The following RALGAPA1 variants were observed in gnomAD, a reference collection of about 807,000 sequenced individuals.
RALGAPA1 encodes the protein ral GTPase-activating protein subunit alpha-1.
Under a neutral mutation model 269.6 loss-of-function variants are expected in RALGAPA1, and 52 were observed. That is an observed-to-expected ratio of 0.19 (90% CI 0.15 to 0.24). RALGAPA1 has a LOEUF of 0.24. Ranked by LOEUF, RALGAPA1 falls within the 10% of genes least tolerant of loss-of-function variation. The pLI is 1.00. For missense variants in RALGAPA1, 1,917 were observed against 3,013.9 expected, an observed-to-expected ratio of 0.64 and a Z score of 8.52; for synonymous variants, 817 against 1,008.3, an observed-to-expected ratio of 0.81 and a Z score of 3.60.
Position 35,558,316 on chromosome 14 carries a change from G to A in RALGAPA1, c.7497-9082C>T, listed in dbSNP as rs140458910. On this transcript the variant is annotated intron_variant, in intron 39 of 41. Coordinates refer to ENST00000680220, the MANE Select transcript of RALGAPA1 (RefSeq NM_001346249.2). ...TAATTTACATTTCTATACTAATATC[G>A]TTTATATGTATTCAGATGGTATTTG... Among the ~76,000 whole-genome samples the A allele has an allele frequency of 4.9e-3, 745 of 152,140 alleles. 8 individuals carry two copies. The highest frequency in any genetic ancestry group is 0.016 in the African/African-American group (681 of 41,498).
At chr14:35,797,772 G>T (rs971176616) in intron 1 of RALGAPA1, among the ~76,000 whole-genome samples, 1 of 150,190 alleles carries the variant, frequency 6.7e-6, no homozygotes, top group South Asian at 2.1e-4. Flanking sequence ...TTGAACCCGG[G>T]ATACGGAGGT....
chr14:35,722,180 T>G (rs1043727944), intron 15 of RALGAPA1, among the ~76,000 whole-genome samples: 1 of 152,220 alleles, frequency 6.6e-6, no homozygotes, highest in African/African-American at 2.4e-5. Flanking sequence ...TGGTGATGAT[T>G]ACTAAATCTC....
At chr14:35,733,979 T>C (rs2070744309) in intron 12 of RALGAPA1, among the ~76,000 whole-genome samples, 1 of 151,726 alleles carries the variant, frequency 6.6e-6, no homozygotes, top group Admixed American at 6.6e-5. Flanking sequence ...ATAAAATACT[T>C]AGGAATATAC....
chr14:35,640,952 T>C (rs987678954), intron 31 of RALGAPA1, among the ~76,000 whole-genome samples: 1 of 72,248 alleles, frequency 1.4e-5, no homozygotes, highest in African/African-American at 2.2e-4. Context: ...TGTGATACAT[T>C]TTTGTCAACA....
intron 12 of RALGAPA1, among the ~76,000 whole-genome samples, chr14:35,737,915 T>C (rs957954773): frequency 5.3e-5 from 8 of 150,394 alleles, no homozygotes; most frequent in Non-Finnish European, 1.0e-4. Flanking sequence ...TGGTGAAACC[T>C]TGTCTCCACT....
At chr14:35,623,573 T>C (rs1292519713) in intron 35 of RALGAPA1, among the ~76,000 whole-genome samples, 1 of 152,216 alleles carries the variant, frequency 6.6e-6, no homozygotes, top group Non-Finnish European at 1.5e-5. Context: ...GATTAGTATC[T>C]GGTGATGGCC....
At chr14:35,692,502 T>C (rs2140485117) in intron 17 of RALGAPA1, among the ~76,000 whole-genome samples, 1 of 151,652 alleles carries the variant, frequency 6.6e-6, no homozygotes, top group East Asian at 1.9e-4. Context: ...TGTTTTTTTT[T>C]TTTCCTAAAA....
At chr14:35,634,789 C>A in intron 32 of RALGAPA1, 32 bp from the exon 33 acceptor site, 1 of 1,508,356 alleles carries the variant, frequency 6.6e-7, no homozygotes, top group Non-Finnish European at 8.9e-7. Context: ...CCCAGTTTTA[C>A]TTAAAAAATA....
chr14:35,618,105 C>T (rs2060377203), intron 35 of RALGAPA1, among the ~76,000 whole-genome samples: 1 of 151,920 alleles, frequency 6.6e-6, no homozygotes, highest in African/African-American at 2.4e-5. Context: ...TGATTTCTTC[C>T]AAAACTTTAA....
intron 19 of RALGAPA1, 64 bp from the exon 20 acceptor site, chr14:35,685,209 C>A: frequency 7.3e-7 from 1 of 1,368,300 alleles, no homozygotes; most frequent in South Asian, 1.4e-5. Context: ...CCATCTGAAA[C>A]CTTTAATTTC....
chr14:35,691,968 A>G (rs1249985075), intron 17 of RALGAPA1, among the ~76,000 whole-genome samples: 1 of 152,144 alleles, frequency 6.6e-6, no homozygotes, highest in African/African-American at 2.4e-5. Context: ...ACATTTCCTT[A>G]CAAACTTCAC....
intron 39 of RALGAPA1, among the ~76,000 whole-genome samples, chr14:35,551,120 G>A (rs1449739910): frequency 6.6e-6 from 1 of 152,146 alleles, no homozygotes; most frequent in African/African-American, 2.4e-5. Context: ...AAAAATACTG[G>A]CCTTTGTGTA....
chr14:35,691,815 A>T (rs2066505466), intron 17 of RALGAPA1, among the ~76,000 whole-genome samples: 1 of 152,182 alleles, frequency 6.6e-6, no homozygotes, highest in African/African-American at 2.4e-5. Context: ...GGCTCTCAAC[A>T]TAGGTTAAAT....
At chr14:35,630,462 A>T (rs1373713937) in intron 33 of RALGAPA1, among the ~76,000 whole-genome samples, 1 of 152,164 alleles carries the variant, frequency 6.6e-6, no homozygotes, top group Non-Finnish European at 1.5e-5. Flanking sequence ...TAATTTTTAC[A>T]TTAGAGAAGA....
chr14:35,585,860 T>C (rs1381690513), intron 37 of RALGAPA1, among the ~76,000 whole-genome samples: 1 of 152,236 alleles, frequency 6.6e-6, no homozygotes, highest in African/African-American at 2.4e-5. Flanking sequence ...TGTAGCCTTG[T>C]AGTATAGTTT....
chr14:35,570,893 T>A, intron 38 of RALGAPA1, 149 bp from the exon 39 acceptor site: 1 of 731,820 alleles, frequency 1.4e-6, no homozygotes, highest in Non-Finnish European at 2.2e-6. Context: ...AATTCTTTTC[T>A]GTGATGGGTC....
rs1309094546 is a variant in RALGAPA1, at chr14:35,750,464, G to A, written c.1011+18C>T. 2 of 1,602,442 alleles carry A rather than the reference G, an allele frequency of 1.2e-6. No homozygotes were observed. Among genetic ancestry groups the A allele is most frequent in the Non-Finnish European group, 1.7e-6 (2 of 1,170,386 alleles). On this transcript the variant is annotated intron_variant, in intron 9 of 41. Transcript: ENST00000680220. ...AGCCATTTCTAACTTTAACAGGCCT[G>A]CCTCATTTGTGCATTACCTGAATAT...
At chr14:35,741,611 T>G (rs2071562103) in intron 11 of RALGAPA1, among the ~76,000 whole-genome samples, 2 of 152,170 alleles carry the variant, frequency 1.3e-5, no homozygotes, top group Non-Finnish European at 2.9e-5. Context: ...ATCATTCCTA[T>G]CTAGATTTAG....
intron 11 of RALGAPA1, among the ~76,000 whole-genome samples, chr14:35,740,651 C>CA (rs2071461630): frequency 6.6e-6 from 1 of 151,850 alleles, no homozygotes; most frequent in East Asian, 1.9e-4. Context: ...ATTAAAAATA[C>CA]AAAAAAATTA....
Sources: gnomAD v4.1 joint callset for allele counts (sites outside exome capture counted in the v4.1 genomes callset) on GRCh38, gnomAD v4.1.1 for gene constraint, MANE v1.5 for transcripts, NCBI Gene and HGNC (gene_info 2026-07-23, HGNC 2026-07-21) for gene names.